RYR3: variants seen among roughly 807,000 people sequenced by gnomAD.
The protein encoded by RYR3 is brain ryanodine receptor-calcium release channel.
A neutral mutation model predicts 584.3 loss-of-function variants in RYR3; 207 were observed. That is an observed-to-expected ratio of 0.35 (90% CI 0.32 to 0.40). The LOEUF is 0.40. Among genes scored for constraint, RYR3 ranks in the 10% least tolerant of loss-of-function variants. The pLI is 1.00. For missense variants in RYR3, 5,616 were observed against 6,089.2 expected (o/e 0.92, Z 2.59); for synonymous variants, 2,416 against 2,248.5 (o/e 1.07, Z -2.11).
At position 33,860,645 on chromosome 15, in the gene RYR3, C is replaced by G. The variant is rs780612075; in HGVS notation, c.14350C>G (p.Arg4784Gly). ...GELRDQQEQV[R>G]EDMETKCFIC... The stretch of plus-strand genomic sequence containing the variant: ...GCTAAGAGACCAGCAGGAACAAGTA[C>G]GAGAAGATATGGAGGTAATGTTACT... Residue 4784 changes from arginine (R) to glycine (G), a missense_variant, in exon 101 of 104, where the codon CGA (arginine) becomes GGA (glycine). Coordinates refer to ENST00000634891, the MANE Select transcript of RYR3 (RefSeq NM_001036.6). 9 of 1,591,996 alleles carry G rather than the reference C, an allele frequency of 5.7e-6. No individual in the cohort carries two copies. In the Admixed American group the frequency reaches 1.4e-4, roughly 25 times the overall value.
chr15:33,494,441 A>G (rs999043432), intron 2 of RYR3, among the ~76,000 whole-genome samples: 1 of 152,126 alleles, frequency 6.6e-6, no homozygotes, highest in Non-Finnish European at 1.5e-5. Context: ...CATGGCTGCA[A>G]GTGCTTCTGC....
chr15:33,464,658 G>A (rs908261625), intron 1 of RYR3, among the ~76,000 whole-genome samples: 4 of 151,346 alleles, frequency 2.6e-5, no homozygotes, highest in Admixed American at 6.6e-5. Flanking sequence ...TCAACTTGAT[G>A]TTTTGATATA....
At chr15:33,764,431 G>A (rs1488560183) in intron 60 of RYR3, among the ~76,000 whole-genome samples, 1 of 152,100 alleles carries the variant, frequency 6.6e-6, no homozygotes, top group Non-Finnish European at 1.5e-5. Flanking sequence ...CTGTCAGGAG[G>A]TGGGGGCCAA....
intron 1 of RYR3, among the ~76,000 whole-genome samples, chr15:33,375,558 G>A (rs2040665189): frequency 6.6e-6 from 1 of 152,206 alleles, no homozygotes; most frequent in Admixed American, 6.5e-5. Context: ...GTTGTGTTAT[G>A]AACCACTCTT....
At chr15:33,517,140 G>A (rs775926961) in intron 3 of RYR3, among the ~76,000 whole-genome samples, 13 of 152,062 alleles carry the variant, frequency 8.5e-5, no homozygotes, top group Non-Finnish European at 1.5e-4. Flanking sequence ...GATTACAGGC[G>A]CGTGCCACCA....
At position 33,566,753 on chromosome 15, in the gene RYR3, G is replaced by T. The variant is rs1400907786; in HGVS notation, c.1222G>T (p.Ala408Ser). 2 of 1,613,776 alleles carry T rather than the reference G, an allele frequency of 1.2e-6. No homozygotes were observed. Among genetic ancestry groups the T allele is most frequent in the South Asian group, 2.2e-5 (2 of 91,088 alleles). ...QRCQREESQA[A>S]RIIRNTTALF... ...ATGCCAGCGTGAGGAGTCCCAGGCT[G>T]CTCGGATCATCCGGAACACTACAGC... is the stretch of plus-strand genomic sequence containing the variant. The change falls in exon 12 of 104, where the codon GCT (alanine) becomes TCT (serine). Residue 408 changes from alanine to serine, a missense_variant. Ala to Ser is a moderately conservative substitution (Grantham distance 99). Around this residue, in one of 9 missense-constraint regions of RYR3, gnomAD observed 1,284 missense variants for 1,344.6 expected, o/e 0.95. Transcript: ENST00000634891.
chr15:33,789,140 AG>A (rs1328558217), intron 67 of RYR3, among the ~76,000 whole-genome samples: 1 of 151,276 alleles, frequency 6.6e-6, no homozygotes, highest in East Asian at 2.0e-4. Flanking sequence ...AGGGACCAAA[AG>A]GAGGCCAGTG....
At chr15:33,669,878 GT>G (rs1323030518) in intron 37 of RYR3, among the ~76,000 whole-genome samples, 119 of 35,880 alleles carry the variant, frequency 3.3e-3, no homozygotes, top group South Asian at 8.0e-3. Flanking sequence ...GTGGGTGTGT[GT>G]GGTGTGTGTG....
chr15:33,819,428 T>G (rs1370336435), intron 76 of RYR3, among the ~76,000 whole-genome samples: 2 of 152,090 alleles, frequency 1.3e-5, no homozygotes, highest in Non-Finnish European at 2.9e-5. Context: ...TTCCAGCATT[T>G]TGGGAGGCCA....
At chr15:33,807,753 T>G in intron 70 of RYR3, 184 bp downstream of exon 70, 1 of 634,804 alleles carries the variant, frequency 1.6e-6, no homozygotes, top group Admixed American at 2.7e-5. Flanking sequence ...CTACCCACCC[T>G]TGGAATGGGG....
intron 66 of RYR3, among the ~76,000 whole-genome samples, chr15:33,787,526 A>C (rs546628087): frequency 2.4e-5 from 3 of 127,638 alleles, no homozygotes; most frequent in South Asian, 2.9e-4. Context: ...TTTAAAAAAA[A>C]AAAACAAAAA....
At chr15:33,574,264 G>T (rs8039814) in intron 12 of RYR3, among the ~76,000 whole-genome samples, 1 of 152,050 alleles carries the variant, frequency 6.6e-6, no homozygotes, top group Non-Finnish European at 1.5e-5. Flanking sequence ...GACCACCCTC[G>T]GTGTTTCTAG....
intron 2 of RYR3, among the ~76,000 whole-genome samples, chr15:33,497,471 T>A (rs1268793963): frequency 6.6e-6 from 1 of 152,174 alleles, no homozygotes; most frequent in Non-Finnish European, 1.5e-5. Context: ...TTCCCTTATC[T>A]CTATTCCTGC....
At chr15:33,646,147 T>C in intron 28 of RYR3, 1 of 469,588 alleles carries the variant, frequency 2.1e-6, no homozygotes. Flanking sequence ...AAATCTCTAA[T>C]TTCCCTAGCC....
intron 1 of RYR3, among the ~76,000 whole-genome samples, chr15:33,313,737 G>A (rs1160688214): frequency 4.6e-5 from 7 of 152,182 alleles, no homozygotes. Context: ...GACTCATACT[G>A]GACCATGGAA....
In RYR3 at chr15:33,613,729, A is replaced by G. The variant is rs141361166; in HGVS notation, c.2357+354A>G. Among the ~76,000 whole-genome samples the G allele has an allele frequency of 4.7e-3, 709 of 152,374 alleles. 2 individuals are homozygous for G. Among genetic ancestry groups the G allele is most frequent in the Middle Eastern group, 0.014 (4 of 294 alleles). ...TCACCTATGATTCCAATGGTTAGCT[A>G]TAATCTCTATTAATACTTTGGCATA... On this transcript the variant is annotated intron_variant, in intron 19 of 103. Transcript: ENST00000634891.
At chr15:33,637,044 G>C (rs898272292) in intron 27 of RYR3, among the ~76,000 whole-genome samples, 9 of 152,168 alleles carry the variant, frequency 5.9e-5, no homozygotes, top group African/African-American at 2.2e-4. Flanking sequence ...AATTTATTTT[G>C]AAATTCAGAC....
chr15:33,450,045 C>T (rs1288902725), intron 1 of RYR3, among the ~76,000 whole-genome samples: 1 of 131,412 alleles, frequency 7.6e-6, no homozygotes, highest in African/African-American at 2.9e-5. Context: ...TTATCTCAAT[C>T]CTGCTTTTTC....
chr15:33,552,119 A>C (rs917468468), intron 10 of RYR3, among the ~76,000 whole-genome samples: 4 of 152,146 alleles, frequency 2.6e-5, no homozygotes, highest in Non-Finnish European at 5.9e-5. Context: ...TTACCATTTC[A>C]AAAAGGGGCT....
Sources: allele counts gnomAD v4.1 joint callset (sites outside exome capture counted in the v4.1 genomes callset), GRCh38; gene constraint gnomAD v4.1.1; regional missense constraint gnomAD v4.1.1; transcripts MANE v1.5; gene names NCBI Gene and HGNC (gene_info 2026-07-23, HGNC 2026-07-21).